NRXN1: variants seen among roughly 807,000 people sequenced by gnomAD.
NRXN1 encodes the protein neurexin 1, also known as neurexin-1.
NRXN1 carries 39 observed loss-of-function variants against 150.9 expected under a neutral mutation model. The ratio of observed to expected loss-of-function variants is 0.26; its 90% confidence interval spans 0.20 to 0.34. The LOEUF is 0.34. Ranked by LOEUF, NRXN1 falls within the 10% of genes least tolerant of loss-of-function variation. NRXN1 has a pLI of 1.00. For synonymous variants in NRXN1, 924 were observed against 757.0 expected, an observed-to-expected ratio of 1.22 and a Z score of -3.62; for missense variants, 1,815 against 1,949.9, an observed-to-expected ratio of 0.93 and a Z score of 1.30.
At chr2:50,739,714 C>A (rs371230809) in intron 5 of NRXN1, among the ~76,000 whole-genome samples, 65 of 152,158 alleles carry the variant, frequency 4.3e-4, no homozygotes, top group African/African-American at 1.5e-3. Context: ...GGAATTTTAA[C>A]ATTGTCTTCA....
At chr2:49,935,277 T>C (rs544624194) in intron 22 of NRXN1, among the ~76,000 whole-genome samples, 1 of 152,174 alleles carries the variant, frequency 6.6e-6, no homozygotes, top group Non-Finnish European at 1.5e-5. Flanking sequence ...GGTGGCCAAA[T>C]TGAGATTTGA....
At chr2:50,151,729 A>G (rs1347280621) in intron 18 of NRXN1, among the ~76,000 whole-genome samples, 1 of 151,704 alleles carries the variant, frequency 6.6e-6, no homozygotes, top group Non-Finnish European at 1.5e-5. Context: ...CCTGATGGAT[A>G]CATTCTAAAG....
intron 21 of NRXN1, among the ~76,000 whole-genome samples, chr2:49,973,460 C>T (rs914730418): frequency 1.3e-5 from 2 of 152,142 alleles, no homozygotes; most frequent in Admixed American, 1.3e-4. Flanking sequence ...GAAAATCCCA[C>T]TCTGCCACAA....
At chr2:50,290,763 A>C (rs2072818309) in intron 17 of NRXN1, among the ~76,000 whole-genome samples, 1 of 152,104 alleles carries the variant, frequency 6.6e-6, no homozygotes, top group Non-Finnish European at 1.5e-5. Context: ...GGTTTTAAAG[A>C]AATAAACAAC....
rs866100457 is a variant in NRXN1, at chr2:49,920,301, C to T, written c.*1643G>A. On this transcript the variant is annotated 3_prime_UTR_variant, in exon 23 of 23. Coordinates refer to ENST00000401669, the MANE Select transcript of NRXN1 (RefSeq NM_001330078.2). ...AATTACTGAAAAATACTTTCTTAGTCGAGAGAAAGTGTTTACTTTCCAGAA... is the reference window on the plus strand; with the variant it reads ...AATTACTGAAAAATACTTTCTTAGTTGAGAGAAAGTGTTTACTTTCCAGAA... The T allele has an allele frequency of 6.6e-6, 1 of 152,364 alleles. No homozygotes were observed. Among genetic ancestry groups the T allele is most frequent in the Non-Finnish European group, 1.5e-5 (1 of 67,992 alleles). 9.4% of individuals were successfully genotyped at this position (152,364 alleles called of 1,614,324 possible).
intron 2 of NRXN1, among the ~76,000 whole-genome samples, chr2:50,959,061 TCTAA>T (rs1278414732): frequency 6.6e-6 from 1 of 152,124 alleles, no homozygotes; most frequent in African/African-American, 2.4e-5. Flanking sequence ...AGTTATTTTG[TCTAA>T]CTTTGATGTC....
chr2:50,589,332 C>A (rs1271693483), intron 8 of NRXN1: 1 of 152,142 alleles, frequency 6.6e-6, no homozygotes, highest in Admixed American at 6.5e-5. Context: ...CTGCTAGATG[C>A]AGGGAGAAAA....
intron 5 of NRXN1, among the ~76,000 whole-genome samples, chr2:50,759,839 TG>T (rs1314377610): frequency 9.6e-5 from 8 of 82,980 alleles, no homozygotes; most frequent in Non-Finnish European, 1.7e-4. Flanking sequence ...TGTGTGTGTG[TG>T]TGTGTGTGTG....
At chr2:50,421,149 G>A (rs542270994) in intron 17 of NRXN1, among the ~76,000 whole-genome samples, 1 of 151,990 alleles carries the variant, frequency 6.6e-6, no homozygotes, top group South Asian at 2.1e-4. Flanking sequence ...TATTTTTCAT[G>A]TCAAAGGACT....
At chr2:49,998,991 C>A (rs1168664053) in intron 21 of NRXN1, among the ~76,000 whole-genome samples, 3 of 152,096 alleles carry the variant, frequency 2.0e-5, no homozygotes, top group African/African-American at 4.8e-5. Flanking sequence ...CTTGTACTAG[C>A]ATTTTAGGCC....
chr2:50,627,804 T>C (rs1284465784), intron 5 of NRXN1, among the ~76,000 whole-genome samples: 1 of 151,630 alleles, frequency 6.6e-6, no homozygotes, highest in African/African-American at 2.4e-5. Context: ...CTCAAATTCA[T>C]AAAATGTGAC....
At position 50,789,632 on chromosome 2, in the gene NRXN1, C is replaced by T. The variant is rs62140598; in HGVS notation, c.832+132237G>A. The stretch of plus-strand genomic sequence containing the variant: ...AACACGCATTGATTTTGAAGGTATA[C>T]GGAAAGACGACTCAGATAAGCTATA... On this transcript the variant is annotated intron_variant, in intron 5 of 22. Transcript: ENST00000401669. Among the ~76,000 whole-genome samples the T allele has an allele frequency of 0.076, 11,557 of 151,998 alleles. 577 individuals carry two copies. Among genetic ancestry groups the T allele is most frequent in the Non-Finnish European group, 0.1 (6,962 of 67,996 alleles).
chr2:50,433,782 G>T (rs962138537), intron 17 of NRXN1, among the ~76,000 whole-genome samples: 10 of 151,916 alleles, frequency 6.6e-5, no homozygotes, highest in Non-Finnish European at 1.2e-4. Context: ...GGAAAGGAAA[G>T]AAAGGAATAT....
At chr2:50,249,541 T>A (rs972802108) in intron 17 of NRXN1, among the ~76,000 whole-genome samples, 1 of 152,120 alleles carries the variant, frequency 6.6e-6, no homozygotes, top group African/African-American at 2.4e-5. Context: ...TAAAGCACCA[T>A]GCTAGATCCT....
chr2:50,868,405 G>T (rs1677277390), intron 5 of NRXN1, among the ~76,000 whole-genome samples: 1 of 146,594 alleles, frequency 6.8e-6, no homozygotes, highest in South Asian at 2.2e-4. Context: ...GGGTGGGATG[G>T]AGGGAGGGCG....
At chr2:50,231,537 G>A (rs1000691845) in intron 18 of NRXN1, among the ~76,000 whole-genome samples, 2 of 151,942 alleles carry the variant, frequency 1.3e-5, no homozygotes, top group Non-Finnish European at 2.9e-5. Flanking sequence ...TAAGGCTTCC[G>A]GCCCAGCAAA....
At chr2:50,739,568 G>C (rs564299075) in intron 5 of NRXN1, among the ~76,000 whole-genome samples, 5 of 152,234 alleles carry the variant, frequency 3.3e-5, no homozygotes, top group African/African-American at 1.2e-4. Flanking sequence ...TGCATTATCA[G>C]ACCTTACTAA....
At chr2:50,176,824 C>T (rs756608666) in intron 18 of NRXN1, among the ~76,000 whole-genome samples, 17 of 152,166 alleles carry the variant, frequency 1.1e-4, no homozygotes, top group South Asian at 2.1e-4. Flanking sequence ...TAGTTTGTAA[C>T]ATTAAGGCTC....
chr2:50,159,089 G>C (rs980666743), intron 18 of NRXN1, among the ~76,000 whole-genome samples: 1 of 151,956 alleles, frequency 6.6e-6, no homozygotes, highest in Non-Finnish European at 1.5e-5. Context: ...TGTTGTTGTT[G>C]TTGTTGTTGT....
Sources: gnomAD v4.1 joint callset for allele counts (sites outside exome capture counted in the v4.1 genomes callset) on GRCh38, gnomAD v4.1.1 for gene constraint, MANE v1.5 for transcripts, NCBI Gene and HGNC (gene_info 2026-07-23, HGNC 2026-07-21) for gene names.